The following SYNE1 variants were observed in gnomAD, a reference collection of about 807,000 sequenced individuals.
SYNE1 encodes the protein nesprin-1.
SYNE1 carries 616 observed loss-of-function variants against 1,111.0 expected under a neutral mutation model. The ratio of observed to expected loss-of-function variants is 0.55; its 90% CI spans 0.52 to 0.59. The LOEUF is 0.59. Ranked by LOEUF, SYNE1 falls within the 20% of genes least tolerant of loss-of-function variation. SYNE1 has a pLI of 0.00. For missense variants in SYNE1, 10,006 were observed against 10,417.0 expected (o/e 0.96, Z 1.72); for synonymous variants, 3,855 against 3,825.8 (o/e 1.01, Z -0.28).
rs1379572064 is a variant in SYNE1, at chr6:152,401,238, T to A, written c.6929A>T (p.Glu2310Val). The A allele has an allele frequency of 6.2e-7, 1 of 1,614,082 alleles. No individual in the cohort carries two copies. The highest frequency in any genetic ancestry group is 1.3e-5 in the African/African-American group (1 of 74,956). ...TGTTGTTATGTCATTAATAAACTTC[T>A]CCACTTGTGTACTTTGAGCCGTGAA... ...KDFTAQSTQVEKFINDITTWF... is the reference protein window; with the variant it reads ...KDFTAQSTQVVKFINDITTWF... Residue 2310 changes from glutamate to valine, a missense_variant, in exon 47 of 146, where the codon GAG becomes GTG. Transcript: ENST00000367255.
At chr6:152,273,503 T>C (rs1440350465) in intron 98 of SYNE1, among the ~76,000 whole-genome samples, 1 of 152,202 alleles carries the variant, frequency 6.6e-6, no homozygotes, top group African/African-American at 2.4e-5. Flanking sequence ...AACTGATCCG[T>C]AAGAAAGTTG....
intron 133 of SYNE1, 114 bp from the exon 134 acceptor site, chr6:152,152,255 G>C (rs943573821): frequency 6.5e-6 from 6 of 920,644 alleles, no homozygotes; most frequent in Non-Finnish European, 1.0e-5. Context: ...CTATCACAGA[G>C]GGAAAGAATG....
intron 130 of SYNE1, 68 bp from the exon 131 acceptor site, chr6:152,164,393 A>AG: frequency 6.3e-7 from 1 of 1,581,722 alleles, no homozygotes; most frequent in Non-Finnish European, 8.7e-7. Context: ...TAGCGTGCAG[A>AG]GGAGAACACT....
intron 62 of SYNE1, among the ~76,000 whole-genome samples, chr6:152,365,698 A>C (rs895050600): frequency 6.6e-6 from 1 of 151,840 alleles, no homozygotes; most frequent in African/African-American, 2.4e-5. Context: ...AGGCTCAAGC[A>C]ATCCTCCCAC....
intron 3 of SYNE1, among the ~76,000 whole-genome samples, chr6:152,613,774 G>A (rs1485543987): frequency 6.6e-6 from 1 of 151,896 alleles, no homozygotes; most frequent in South Asian, 2.1e-4. Flanking sequence ...CATAGTACTG[G>A]TACCAAAACA....
chr6:152,365,752 G>A (rs558267599), intron 62 of SYNE1, among the ~76,000 whole-genome samples: 9 of 151,982 alleles, frequency 5.9e-5, no homozygotes, highest in African/African-American at 1.9e-4. Context: ...AAGCCACTGC[G>A]CCCGGCCAGA....
chr6:152,398,797 G>T, intron 48 of SYNE1, 66 bp from the exon 49 acceptor site: 1 of 1,233,670 alleles, frequency 8.1e-7, no homozygotes, highest in Non-Finnish European at 1.2e-6. Flanking sequence ...CATTGAATGG[G>T]CTCCCAGGAT....
intron 32 of SYNE1, among the ~76,000 whole-genome samples, chr6:152,438,565 A>G (rs2098498127): frequency 6.6e-6 from 1 of 152,208 alleles, no homozygotes; most frequent in African/African-American, 2.4e-5. Context: ...CATTAGATTG[A>G]TCTGGGATGA....
chr6:152,532,740 C>T lies in SYNE1; in HGVS notation c.130-6565G>A, dbSNP rs1459387890. On this transcript the variant is annotated intron_variant, in intron 4 of 145. Transcript: ENST00000367255. ...CCCATAACTTGTAGAACCAGATAAA[C>T]CACTACTTCTGGTTTATATAAGTTT... Among the ~76,000 whole-genome samples, 6 of 152,268 alleles carry T rather than the reference C, an allele frequency of 3.9e-5. No homozygotes were observed. In the East Asian group the frequency reaches 5.8e-4, roughly 15 times the overall value.
chr6:152,515,429 A>G (rs2099106725), intron 6 of SYNE1, among the ~76,000 whole-genome samples: 1 of 152,150 alleles, frequency 6.6e-6, no homozygotes, highest in Non-Finnish European at 1.5e-5. Context: ...GCAAGTAGTC[A>G]ACTGCCTGCC....
chr6:152,139,727 AAG>A (rs1445013598), intron 140 of SYNE1, among the ~76,000 whole-genome samples: 1 of 142,424 alleles, frequency 7.0e-6, no homozygotes, highest in Admixed American at 6.9e-5. Context: ...AAAAGAAAGA[AAG>A]AAAGAAAGAA....
At chr6:152,326,919 C>G (rs1258966612) in intron 78 of SYNE1, among the ~76,000 whole-genome samples, 1 of 152,094 alleles carries the variant, frequency 6.6e-6, no homozygotes, top group African/African-American at 2.4e-5. Context: ...ACTTCCCTCT[C>G]TAAGAAATAA....
At chr6:152,510,769 C>T (rs1287816769) in intron 7 of SYNE1, among the ~76,000 whole-genome samples, 1 of 152,108 alleles carries the variant, frequency 6.6e-6, no homozygotes, top group East Asian at 1.9e-4. Flanking sequence ...TTGAGGTGCT[C>T]GCTTTTCAGA....
chr6:152,300,911 C>T, intron 92 of SYNE1, 130 bp from the exon 93 acceptor site: 3 of 1,222,492 alleles, frequency 2.5e-6, no homozygotes, highest in Non-Finnish European at 3.5e-6. Context: ...CCCGAATTCA[C>T]ATATTAATCC....
In SYNE1 at chr6:152,409,396, A is replaced by G. The variant is rs954269141; in HGVS notation, c.6381+163T>C. The G allele has an allele frequency of 9.8e-6, 11 of 1,125,658 alleles. No homozygotes were observed. The Admixed American group carries it at 1.2e-4, about 12-fold the overall frequency. The allele number at this position is 1,125,658 out of a possible 1,614,324, so 69.7% of individuals were successfully genotyped here. A position where few individuals can be genotyped will look rare whatever the true frequency, so the allele number is the denominator to read the frequency against. Reference sequence around the variant, plus strand: ...TAACACCATTTTCTTGAATTGCTAGAATCCTAGAATGTCAGCATTCCTAGG... The same window carrying G: ...TAACACCATTTTCTTGAATTGCTAGGATCCTAGAATGTCAGCATTCCTAGG... On this transcript the variant is annotated intron_variant, in intron 43 of 145. Transcript: ENST00000367255.
intron 3 of SYNE1, 132 bp from the exon 4 acceptor site, chr6:152,540,153 T>A: frequency 1.1e-6 from 1 of 907,098 alleles, no homozygotes; most frequent in Non-Finnish European, 1.8e-6. Context: ...AATTATTGTC[T>A]TGAAGGGAAA....
At chr6:152,151,265 C>A (rs1434797274) in intron 135 of SYNE1, among the ~76,000 whole-genome samples, 1 of 150,996 alleles carries the variant, frequency 6.6e-6, no homozygotes, top group African/African-American at 2.4e-5. Flanking sequence ...ATCCCTAACA[C>A]CCTGGCAATC....
intron 144 of SYNE1, 113 bp from the exon 145 acceptor site, chr6:152,130,891 T>C (rs2055406204): frequency 2.7e-6 from 3 of 1,099,824 alleles, no homozygotes; most frequent in Non-Finnish European, 4.1e-6. Context: ...ATAAATCAAA[T>C]GAAATGATCA....
At chr6:152,340,054 A>T (rs996287633) in intron 74 of SYNE1, among the ~76,000 whole-genome samples, 3 of 152,238 alleles carry the variant, frequency 2.0e-5, no homozygotes, top group African/African-American at 7.2e-5. Flanking sequence ...ACAAACTTGC[A>T]CTGGGATGTT....
Sources: gnomAD v4.1 joint callset for allele counts (sites outside exome capture counted in the v4.1 genomes callset) on GRCh38, gnomAD v4.1.1 for gene constraint, MANE v1.5 for transcripts, NCBI Gene and HGNC (gene_info 2026-07-23, HGNC 2026-07-21) for gene names.